Variants in DLC1 observed in about 807,000 individuals in gnomAD.
DLC1 encodes rho GTPase-activating protein 7.
Under a neutral mutation model 140.3 loss-of-function variants are expected in DLC1, and 54 were observed. That is an observed-to-expected ratio of 0.38 (90% confidence interval 0.31 to 0.48). The LOEUF (loss-of-function observed/expected upper bound fraction) is 0.48, where lower values mean the gene tolerates loss of function less well. DLC1 is among the 20% of genes least tolerant of loss of function. The probability of loss-of-function intolerance (pLI) is 0.96; values close to 1 mark genes in which losing one functional copy is unlikely to be tolerated. For synonymous variants in DLC1, 986 were observed against 728.1 expected, an observed-to-expected ratio of 1.35 and a Z score of -5.70; for missense variants, 2,536 against 1,907.0, an observed-to-expected ratio of 1.33 and a Z score of -6.14.
intron 2 of DLC1, among the ~76,000 whole-genome samples, chr8:13,411,158 C>T (rs989515878): frequency 2.0e-5 from 3 of 152,142 alleles, no homozygotes; most frequent in Admixed American, 6.5e-5. Context: ...GAAGGTTGAA[C>T]TAACCAAGAT....
At chr8:13,364,210 A>G (rs1370302524) in intron 4 of DLC1, among the ~76,000 whole-genome samples, 1 of 152,054 alleles carries the variant, frequency 6.6e-6, no homozygotes, top group Admixed American at 6.6e-5. Flanking sequence ...ATGTCAGCCC[A>G]TCACCTTCCT....
At chr8:13,205,591 A>G (rs964782733) in intron 5 of DLC1, among the ~76,000 whole-genome samples, 4 of 152,080 alleles carry the variant, frequency 2.6e-5, no homozygotes, top group Admixed American at 6.5e-5. Flanking sequence ...ATAGACTAAC[A>G]CTAATGATAG....
chr8:13,215,503 T>C (rs575044887), intron 5 of DLC1, among the ~76,000 whole-genome samples: 1 of 152,226 alleles, frequency 6.6e-6, no homozygotes, highest in African/African-American at 2.4e-5. Flanking sequence ...GCAGGATCAC[T>C]TGAGCCCAGA....
At chr8:13,363,243 C>G (rs1352225648) in intron 4 of DLC1, among the ~76,000 whole-genome samples, 3 of 152,168 alleles carry the variant, frequency 2.0e-5, no homozygotes, top group East Asian at 1.9e-4. Flanking sequence ...CTTTCTGCCA[C>G]TTGTATATTT....
chr8:13,144,405 C>T (rs1001230705), intron 5 of DLC1, among the ~76,000 whole-genome samples: 1 of 152,158 alleles, frequency 6.6e-6, no homozygotes, highest in Non-Finnish European at 1.5e-5. Context: ...CTTGGTTCTC[C>T]ACCTTGCGGA....
intron 1 of DLC1, chr8:13,567,084 G>A: frequency 1.3e-6 from 2 of 1,551,750 alleles, no homozygotes; most frequent in Non-Finnish European, 1.7e-6. Context: ...CTACTGATGA[G>A]GTACAGACTT....
chr8:13,260,676 A>G (rs1253288281), intron 5 of DLC1, among the ~76,000 whole-genome samples: 1 of 152,166 alleles, frequency 6.6e-6, no homozygotes, highest in African/African-American at 2.4e-5. Context: ...GGAAGGATAA[A>G]AGTGTAACTA....
chr8:13,424,774 C>G (rs966846175), intron 2 of DLC1, among the ~76,000 whole-genome samples: 1 of 151,932 alleles, frequency 6.6e-6, no homozygotes, highest in Non-Finnish European at 1.5e-5. Flanking sequence ...GGGGTTTCAC[C>G]ATGTTAGCCA....
At chr8:13,119,226 TA>T (rs757073542) in intron 5 of DLC1, among the ~76,000 whole-genome samples, 66,939 of 119,706 alleles carry the variant, frequency 0.56, 17,790 homozygotes, top group Admixed American at 0.62. Context: ...AGACCCTGTC[TA>T]AAAAAAAAAA....
rs373296368 is a variant in DLC1, at chr8:13,100,489, G to A, written c.1848C>T (p.Pro616=). Residue 616 remains proline (P), a synonymous_variant, in exon 9 of 18, where the codon CCC becomes CCT. Coordinates refer to ENST00000276297, the MANE Select transcript of DLC1 (RefSeq NM_182643.3). ...HAPPSEDAAT[P]RTNSVISVCS... ...AAACGCTGATGACGGAGTTAGTCCG[G>A]GGGGTGGCAGCATCCTCGCTGGGGG... 12 of 1,612,870 alleles carry A rather than the reference G, an allele frequency of 7.4e-6. No individual in the cohort carries two copies. The African/African-American group carries it at 1.5e-4, about 20-fold the overall frequency.
At chr8:13,560,519 C>G (rs1349387344) in intron 1 of DLC1, among the ~76,000 whole-genome samples, 1 of 152,068 alleles carries the variant, frequency 6.6e-6, no homozygotes, top group Non-Finnish European at 1.5e-5. Flanking sequence ...TAGAAAATCA[C>G]CAGCAGTTTT....
In DLC1 at chr8:13,468,811, CTTTTTTTTT is replaced by C. The variant is rs78775803; in HGVS notation, c.1023+30229_1023+30237del. Among the ~76,000 whole-genome samples the C allele has an allele frequency of 4.6e-3, 417 of 89,936 alleles. 2 individuals carry two copies. The highest frequency in any genetic ancestry group is 6.4e-3 in the Non-Finnish European group (325 of 50,666). The allele number at this position is 89,936 out of a possible 152,430, so 59.0% of individuals were successfully genotyped here. On this transcript the variant is annotated intron_variant, in intron 2 of 17. Transcript: ENST00000276297. ...GTTGATTCTCCCAATTTTATGTCTG[CTTTTTTTTT>C]TTTTTTTTTTTTTTTTTTTAAGATG...
chr8:13,358,384 C>T (rs924530291), intron 4 of DLC1, among the ~76,000 whole-genome samples: 1 of 152,146 alleles, frequency 6.6e-6, no homozygotes, highest in Non-Finnish European at 1.5e-5. Context: ...GGTATATGCT[C>T]TCTGGGTAGA....
At chr8:13,301,519 A>G (rs1832189798) in intron 5 of DLC1, among the ~76,000 whole-genome samples, 1 of 152,202 alleles carries the variant, frequency 6.6e-6, no homozygotes, top group Non-Finnish European at 1.5e-5. Context: ...GCCTTACATC[A>G]ACAACATGGC....
intron 1 of DLC1, among the ~76,000 whole-genome samples, chr8:13,575,646 C>T (rs34517103): frequency 0.29 from 44,124 of 151,976 alleles, 6,830 homozygotes; most frequent in Middle Eastern, 0.39. Context: ...GCTTGACTGA[C>T]GACTGAAATA....
At chr8:13,120,080 C>T (rs944682075) in intron 5 of DLC1, among the ~76,000 whole-genome samples, 1 of 151,714 alleles carries the variant, frequency 6.6e-6, no homozygotes, top group Non-Finnish European at 1.5e-5. Context: ...TGGTGGCTCA[C>T]GCCTGTAATA....
At chr8:13,357,332 A>G (rs527571900) in intron 4 of DLC1, among the ~76,000 whole-genome samples, 1 of 152,184 alleles carries the variant, frequency 6.6e-6, no homozygotes, top group Non-Finnish European at 1.5e-5. Context: ...TTTGACACCT[A>G]TGTGTTTCAG....
chr8:13,303,083 GA>G (rs974610982), intron 5 of DLC1, among the ~76,000 whole-genome samples: 3 of 151,634 alleles, frequency 2.0e-5, no homozygotes, highest in African/African-American at 7.3e-5. Context: ...TCACTGCCTT[GA>G]AAAAAAATCC....
At chr8:13,186,098 A>T (rs1437653581) in intron 5 of DLC1, among the ~76,000 whole-genome samples, 1 of 152,004 alleles carries the variant, frequency 6.6e-6, no homozygotes, top group Non-Finnish European at 1.5e-5. Flanking sequence ...CTGCATTTCA[A>T]CCTTGGTGAA....
Sources: allele counts gnomAD v4.1 joint callset (sites outside exome capture counted in the v4.1 genomes callset), GRCh38; gene constraint gnomAD v4.1.1; transcripts MANE v1.5; gene names NCBI Gene and HGNC (gene_info 2026-07-23, HGNC 2026-07-21).